TIAM2: variants seen among roughly 807,000 people sequenced by gnomAD.
TIAM2 encodes rho guanine nucleotide exchange factor TIAM2.
A neutral mutation model predicts 152.9 loss-of-function variants in TIAM2; 80 were observed. The observed-to-expected ratio is 0.52, with a 90% CI of 0.44 to 0.63. The LOEUF (loss-of-function observed/expected upper bound fraction) is 0.63. Ranked by LOEUF, TIAM2 falls within the 30% of genes least tolerant of loss-of-function variation. TIAM2 has a pLI of 0.00. For synonymous variants in TIAM2, 804 were observed against 838.0 expected, an observed-to-expected ratio of 0.96 and a Z score of 0.70; for missense variants, 1,965 against 2,120.1, an observed-to-expected ratio of 0.93 and a Z score of 1.44.
chr6:155,214,596 C>T lies in TIAM2; in HGVS notation c.3168+3289C>T, dbSNP rs997589723. On this transcript the variant is annotated intron_variant, in intron 15 of 26. Transcript: ENST00000682666. The surrounding 1 kb of genome is among the most constrained non-coding windows in gnomAD (Gnocchi z 5.4). ...GCAAATGCTCAGCTGCCTTCGCTGG[C>T]CTGGTTATGTCCCAGGATGCAAGTT... is the stretch of plus-strand genomic sequence containing the variant. Among the ~76,000 whole-genome samples, 5 of 152,210 alleles carry T rather than the reference C, an allele frequency of 3.3e-5. No individual in the cohort carries two copies. Among genetic ancestry groups the T allele is most frequent in the Non-Finnish European group, 7.3e-5 (5 of 68,050 alleles).
chr6:155,115,162 A>T (rs1411794864), intron 2 of TIAM2, among the ~76,000 whole-genome samples: 1 of 117,872 alleles, frequency 8.5e-6, no homozygotes, highest in Non-Finnish European at 1.9e-5. Flanking sequence ...CTGAAAGTTA[A>T]ATTGTACTAA....
At chr6:155,036,273 C>T (rs1251849741) in intron 1 of TIAM2, among the ~76,000 whole-genome samples, 2 of 152,012 alleles carry the variant, frequency 1.3e-5, no homozygotes, top group South Asian at 2.1e-4. Context: ...TGGCTCATGC[C>T]TGTAATTCCA....
At chr6:155,091,732 A>G (rs144148481) in intron 2 of TIAM2, among the ~76,000 whole-genome samples, 356 of 152,274 alleles carry the variant, frequency 2.3e-3, no homozygotes, top group Middle Eastern at 0.014. Context: ...ATCCAAAAGT[A>G]GTATCTAATT....
chr6:155,124,423 G>A (rs1467959424), intron 2 of TIAM2, among the ~76,000 whole-genome samples: 1 of 152,094 alleles, frequency 6.6e-6, no homozygotes, highest in African/African-American at 2.4e-5. Flanking sequence ...CTCTGCCTCT[G>A]GCGTTTAAGT....
intron 2 of TIAM2, among the ~76,000 whole-genome samples, chr6:155,095,933 G>A (rs191946862): frequency 8.3e-4 from 127 of 152,206 alleles, no homozygotes; most frequent in Non-Finnish European, 5.6e-4. Context: ...TTTATAAGCC[G>A]GGATTTTACA....
intron 2 of TIAM2, among the ~76,000 whole-genome samples, chr6:155,094,573 A>G (rs1370953062): frequency 1.1e-5 from 1 of 91,430 alleles, no homozygotes; most frequent in African/African-American, 4.3e-5. Flanking sequence ...TTTTTTTGAG[A>G]CAGGGTCTCA....
intron 1 of TIAM2, among the ~76,000 whole-genome samples, chr6:155,034,827 A>G (rs1776893475): frequency 6.6e-6 from 1 of 152,172 alleles, no homozygotes; most frequent in Non-Finnish European, 1.5e-5. Context: ...GAATGCATTC[A>G]ATTTTCACCA....
intron 1 of TIAM2, among the ~76,000 whole-genome samples, chr6:155,028,723 T>C (rs974360216): frequency 1.5e-5 from 2 of 129,482 alleles, no homozygotes; most frequent in African/African-American, 3.1e-5. Context: ...ATACTACATA[T>C]AATATATATA....
chr6:155,165,520 C>T (rs113594348), intron 9 of TIAM2, 111 bp downstream of exon 9: 520 of 1,437,266 alleles, frequency 3.6e-4, no homozygotes, highest in Non-Finnish European at 4.6e-4. Context: ...TGAAATGAGG[C>T]GAGGTGGGGT....
At chr6:155,202,626 A>T (rs1034147229) in intron 14 of TIAM2, among the ~76,000 whole-genome samples, 1 of 145,126 alleles carries the variant, frequency 6.9e-6, no homozygotes, top group Non-Finnish European at 1.5e-5. Context: ...GAGTCTTTCC[A>T]TGTTGCCCAG....
intron 1 of TIAM2, among the ~76,000 whole-genome samples, chr6:155,087,860 C>T (rs1778207366): frequency 7.0e-6 from 1 of 143,852 alleles, no homozygotes; most frequent in African/African-American, 2.6e-5. Flanking sequence ...ATAAGGTAGG[C>T]ATTCTTGACC....
In TIAM2 at chr6:155,144,294, C is replaced by G. The variant is rs944815219; in HGVS notation, c.1631-312C>G. On this transcript the variant is annotated intron_variant, in intron 5 of 26. Transcript: ENST00000682666. ...GTCACAGTAGAATGGGCTAAATAAC[C>G]CTGCCCACCTTAGGGCCTCTATGGG... Among the ~76,000 whole-genome samples, 8 of 152,162 alleles carry G rather than the reference C, an allele frequency of 5.3e-5. 1 individual carries two copies. Among genetic ancestry groups the G allele is most frequent in the African/African-American group, 1.9e-4 (8 of 41,426 alleles).
At chr6:155,140,554 G>GTA (rs1406880163) in intron 5 of TIAM2, among the ~76,000 whole-genome samples, 1 of 141,734 alleles carries the variant, frequency 7.1e-6, no homozygotes, top group Non-Finnish European at 1.5e-5. Context: ...GACTGTGTGT[G>GTA]TATGTGTGTG....
At chr6:155,183,547 C>A in intron 14 of TIAM2, 47 bp downstream of exon 14, 1 of 1,542,958 alleles carries the variant, frequency 6.5e-7, no homozygotes, top group South Asian at 1.2e-5. Context: ...TATCAACAGC[C>A]AATATTTTTA....
Position 155,130,139 on chromosome 6 carries a change from GC to G in TIAM2, c.918del (p.Asn307ThrfsTer23). 1 of 1,614,158 alleles carries G rather than the reference GC, an allele frequency of 6.2e-7. No homozygotes were observed. Among genetic ancestry groups the G allele is most frequent in the Non-Finnish European group, 8.5e-7 (1 of 1,180,040 alleles). On this transcript the variant is annotated frameshift_variant, in exon 4 of 27. Transcript: ENST00000682666. LOFTEE classifies it high-confidence loss of function. ...LSSLRELYKD[A>X]NLGSLSPSGI... ...CTCCCTCCGGGAACTGTACAAAGAT[GC>G]CAACCTGGGGAGCCTCTCCCCCTCA...
At chr6:155,064,668 G>T (rs1416106377) in intron 1 of TIAM2, among the ~76,000 whole-genome samples, 11 of 152,174 alleles carry the variant, frequency 7.2e-5, no homozygotes, top group Admixed American at 6.5e-4. Context: ...TTTAAAGCTG[G>T]ATTACATAAT....
chr6:155,239,043 CTG>C lies in TIAM2; in HGVS notation c.3169-1485_3169-1484del, dbSNP rs879380970. On this transcript the variant is annotated intron_variant, in intron 15 of 26. Transcript: ENST00000682666. ...GTGCTTCAGTTTGTCAAGAGACAGA[CTG>C]TATAAAAAGCATGCATCAGGCTACC... 5.8e-4 allele frequency among the ~76,000 whole-genome samples: 88 copies of C among 152,228 alleles called. No homozygotes were observed. In the Middle Eastern group the frequency reaches 0.014, roughly 24 times the overall value.
chr6:155,082,524 C>T (rs532096893), intron 1 of TIAM2, among the ~76,000 whole-genome samples: 16 of 151,996 alleles, frequency 1.1e-4, no homozygotes, highest in African/African-American at 3.9e-4. Flanking sequence ...GTGGCACACA[C>T]TTGTAATCTC....
intron 1 of TIAM2, chr6:155,013,657 G>C (rs1778525804): frequency 6.6e-6 from 1 of 152,078 alleles, no homozygotes; most frequent in Admixed American, 6.6e-5. Context: ...CGTTTTATGA[G>C]CCATATGGAA....
Sources: gnomAD v4.1 joint callset for allele counts (sites outside exome capture counted in the v4.1 genomes callset) on GRCh38, gnomAD v4.1.1 for gene constraint, Gnocchi (gnomAD v3.1) non-coding constraint, MANE v1.5 for transcripts, NCBI Gene and HGNC (gene_info 2026-07-23, HGNC 2026-07-21) for gene names.